The following PDE4B variants were observed in gnomAD, a reference collection of about 807,000 sequenced individuals.
PDE4B encodes 3',5'-cyclic-AMP phosphodiesterase 4B.
PDE4B carries 20 observed loss-of-function variants against 82.2 expected under a neutral mutation model. The ratio of observed to expected loss-of-function variants is 0.24; its 90% CI spans 0.17 to 0.35. The LOEUF is 0.35. Ranked by LOEUF, PDE4B falls within the 10% of genes least tolerant of loss-of-function variation. The pLI is 1.00. For synonymous variants in PDE4B, 320 were observed against 318.9 expected (o/e 1.00, Z -0.04); for missense variants, 655 against 907.2 (o/e 0.72, Z 3.57).
intron 3 of PDE4B, among the ~76,000 whole-genome samples, chr1:66,079,284 G>T (rs2100953596): frequency 6.6e-6 from 1 of 150,704 alleles, no homozygotes; most frequent in South Asian, 2.1e-4. Flanking sequence ...AGTATTTCTA[G>T]TTAAAATATA....
chr1:66,204,884 A>T (rs1479929754), intron 3 of PDE4B, among the ~76,000 whole-genome samples: 1 of 152,178 alleles, frequency 6.6e-6, no homozygotes, highest in Non-Finnish European at 1.5e-5. Context: ...CTCCCTAGTG[A>T]GATGAACCCA....
At chr1:66,238,521 G>T (rs999257421) in intron 3 of PDE4B, among the ~76,000 whole-genome samples, 1 of 152,200 alleles carries the variant, frequency 6.6e-6, no homozygotes, top group Non-Finnish European at 1.5e-5. Context: ...GATCCATGGG[G>T]TGGCTATTCC....
intron 7 of PDE4B, among the ~76,000 whole-genome samples, chr1:66,292,051 T>G (rs2101813606): frequency 6.6e-6 from 1 of 152,332 alleles, no homozygotes; most frequent in Non-Finnish European, 1.5e-5. Context: ...TAATTTCCAT[T>G]AGCGCCTGGG....
chr1:66,148,041 T>C (rs1474930614), intron 3 of PDE4B, among the ~76,000 whole-genome samples: 1 of 151,962 alleles, frequency 6.6e-6, no homozygotes, highest in African/African-American at 2.4e-5. Flanking sequence ...GAGGTGGAGA[T>C]AGATGGATTC....
chr1:66,051,758 G>T (rs988031208), intron 3 of PDE4B, among the ~76,000 whole-genome samples: 8 of 152,086 alleles, frequency 5.3e-5, no homozygotes, highest in African/African-American at 1.9e-4. Context: ...AAGAATAGAA[G>T]ATATAACGTT....
intron 3 of PDE4B, among the ~76,000 whole-genome samples, chr1:66,087,969 GTAAC>G (rs1478053822): frequency 2.6e-5 from 4 of 151,746 alleles, no homozygotes; most frequent in Admixed American, 1.3e-4. Context: ...GTATACATGT[GTAAC>G]TAACCTGCAC....
rs546444748 is a variant in PDE4B, at chr1:66,007,271, C to T, written c.281+88436C>T. On this transcript the variant is annotated intron_variant, in intron 3 of 16. Coordinates refer to ENST00000341517, the MANE Select transcript of PDE4B (RefSeq NM_002600.4). ...ACTAGCCTGACCAACATGGTGAAAC[C>T]CCATCTCTAATAAAATGCAAAAATT... is the stretch of plus-strand genomic sequence containing the variant. Among the ~76,000 whole-genome samples the T allele has an allele frequency of 9.9e-5, 15 of 152,118 alleles. No homozygotes were observed. The South Asian group carries it at 3.1e-3, about 32-fold the overall frequency.
intron 3 of PDE4B, among the ~76,000 whole-genome samples, chr1:66,221,779 T>A (rs1423982107): frequency 3.3e-5 from 5 of 152,182 alleles, no homozygotes; most frequent in Non-Finnish European, 7.4e-5. Flanking sequence ...TCCCACCCTC[T>A]GTCATCACTC....
chr1:66,265,941 C>A, intron 6 of PDE4B, 97 bp from the exon 7 acceptor site: 2 of 869,748 alleles, frequency 2.3e-6, no homozygotes, highest in Middle Eastern at 2.2e-4. Flanking sequence ...TCATTATGAC[C>A]TGGAAAAGTC....
intron 3 of PDE4B, among the ~76,000 whole-genome samples, chr1:66,156,897 T>TC (rs1311498688): frequency 6.6e-6 from 1 of 152,192 alleles, no homozygotes; most frequent in Admixed American, 6.5e-5. Flanking sequence ...GTCCCGCTCC[T>TC]CAGTTATTGT....
chr1:66,053,831 C>T (rs1655165580), intron 3 of PDE4B, among the ~76,000 whole-genome samples: 1 of 151,984 alleles, frequency 6.6e-6, no homozygotes, highest in African/African-American at 2.4e-5. Context: ...TGCACTCCAG[C>T]CTGGGTGACA....
At chr1:66,015,601 A>C (rs1041681434) in intron 3 of PDE4B, among the ~76,000 whole-genome samples, 14 of 152,264 alleles carry the variant, frequency 9.2e-5, no homozygotes, top group Middle Eastern at 3.4e-3. Context: ...GAAAAAAAAA[A>C]CAGAAAATTA....
At chr1:65,985,002 T>A (rs1650884358) in intron 3 of PDE4B, among the ~76,000 whole-genome samples, 1 of 152,158 alleles carries the variant, frequency 6.6e-6, no homozygotes, top group Non-Finnish European at 1.5e-5. Context: ...TTCTTCGTTA[T>A]GAACTAATGA....
intron 3 of PDE4B, among the ~76,000 whole-genome samples, chr1:66,090,002 A>G (rs1207693699): frequency 2.0e-5 from 3 of 152,092 alleles, no homozygotes; most frequent in Non-Finnish European, 2.9e-5. Context: ...CCCTTGATCT[A>G]TGTAGATGAC....
rs886568092 is a variant in PDE4B, at chr1:66,014,715, A to T, written c.281+95880A>T. On this transcript the variant is annotated intron_variant, in intron 3 of 16. Transcript: ENST00000341517. ...GGGGCTCTTTTCTCCTGGCGAGAAC[A>T]TTTAGCAGTAGGTGGGGACATTTTT... 2.6e-5 allele frequency among the ~76,000 whole-genome samples: 4 copies of T among 152,186 alleles called. 1 individual carries two copies. Among genetic ancestry groups the T allele is most frequent in the South Asian group, 4.1e-4 (2 of 4,834 alleles).
At chr1:66,288,012 G>A (rs1357600651) in intron 7 of PDE4B, among the ~76,000 whole-genome samples, 4 of 151,944 alleles carry the variant, frequency 2.6e-5, no homozygotes, top group Admixed American at 6.6e-5. Flanking sequence ...GCCCATTATT[G>A]CATTGCCGTA....
chr1:66,342,950 C>T (rs750619815), intron 8 of PDE4B, among the ~76,000 whole-genome samples: 17 of 151,998 alleles, frequency 1.1e-4, no homozygotes, highest in Non-Finnish European at 1.9e-4. Context: ...GTGGCTGAGG[C>T]ATGAGAATCG....
intron 7 of PDE4B, among the ~76,000 whole-genome samples, chr1:66,325,172 T>C (rs1410181504): frequency 3.9e-5 from 6 of 152,188 alleles, no homozygotes; most frequent in Admixed American, 3.3e-4. Flanking sequence ...TGTAGAGCCA[T>C]AGGAGCAACC....
In PDE4B at chr1:65,815,062, TTTA is replaced by T. The variant is rs1228068396; in HGVS notation, c.-71+21825_-71+21827del. On this transcript the variant is annotated intron_variant, in intron 1 of 16. Coordinates refer to ENST00000341517, the MANE Select transcript of PDE4B (RefSeq NM_002600.4). Reference sequence around the variant, plus strand: ...ATTTATTTATTTATTTATTTATTTATTTATTATTATTATACTTTAAGTTTTACG... The same window carrying T: ...ATTTATTTATTTATTTATTTATTTATTTATTATTATACTTTAAGTTTTACG... 7.4e-5 allele frequency among the ~76,000 whole-genome samples: 7 copies of T among 94,168 alleles called. No individual in the cohort carries two copies. In the South Asian group the frequency reaches 1.3e-3, roughly 18 times the overall value. The allele number at this position is 94,168 out of a possible 152,430, so 61.8% of individuals were successfully genotyped here.
Sources: gnomAD v4.1 joint callset for allele counts (sites outside exome capture counted in the v4.1 genomes callset) on GRCh38, gnomAD v4.1.1 for gene constraint, MANE v1.5 for transcripts, NCBI Gene and HGNC (gene_info 2026-07-23, HGNC 2026-07-21) for gene names.